The following PTP4A1 variants were observed in gnomAD, a reference collection of about 807,000 sequenced individuals.
The protein encoded by PTP4A1 is protein tyrosine phosphatase 4A1, also known as protein tyrosine phosphatase type IVA 1.
Under a neutral mutation model 20.5 loss-of-function variants are expected in PTP4A1, and 9 were observed. The observed-to-expected ratio is 0.44, with a 90% CI of 0.26 to 0.77. The LOEUF (loss-of-function observed/expected upper bound fraction) is 0.77. PTP4A1 is among the 30% of genes least tolerant of loss of function. PTP4A1 has a pLI of 0.19. For missense variants in PTP4A1, 137 were observed against 218.8 expected, an observed-to-expected ratio of 0.63 and a Z score of 2.36; for synonymous variants, 78 against 67.4, an observed-to-expected ratio of 1.16 and a Z score of -0.77.
At chr6:63,526,095 C>T (rs1203168604) in intron 1 of PTP4A1, among the ~76,000 whole-genome samples, 1 of 151,958 alleles carries the variant, frequency 6.6e-6, no homozygotes, top group East Asian at 1.9e-4. Context: ...GAGGCCAAGG[C>T]GGGCAGATCA....
chr6:63,559,260 A>G (rs186895435), intron 3 of PTP4A1, among the ~76,000 whole-genome samples: 3 of 152,338 alleles, frequency 2.0e-5, no homozygotes, highest in Admixed American at 2.0e-4. Context: ...AATTAAAAGG[A>G]TCATAATATA....
At chr6:63,529,994 T>G in intron 2 of PTP4A1, among the ~76,000 whole-genome samples, 1 of 152,144 alleles carries the variant, frequency 6.6e-6, no homozygotes, top group Non-Finnish European at 1.5e-5. Flanking sequence ...CTTTATAGAG[T>G]TATGAGTAAT....
intron 2 of PTP4A1, among the ~76,000 whole-genome samples, chr6:63,535,753 T>C (rs1030846092): frequency 7.2e-5 from 11 of 152,298 alleles, no homozygotes; most frequent in Admixed American, 7.2e-4. Flanking sequence ...GCTGACAGCC[T>C]TCCGGAAGAT....
upstream of PTP4A1, among the ~76,000 whole-genome samples, chr6:63,518,154 C>CAAA (rs60368385): frequency 5.6e-4 from 35 of 62,098 alleles, no homozygotes; most frequent in African/African-American, 1.6e-3. Flanking sequence ...ACTCCGTCTC[C>CAAA]AAAAAAAAAA....
chr6:63,547,471 T>A (rs1481802470), intron 2 of PTP4A1, among the ~76,000 whole-genome samples: 1 of 150,598 alleles, frequency 6.6e-6, no homozygotes, highest in Admixed American at 6.6e-5. Context: ...ATTACAGGCG[T>A]CTGCCACCTC....
At chr6:63,528,427 CT>C (rs1298558548) in intron 2 of PTP4A1, among the ~76,000 whole-genome samples, 1,858 of 144,246 alleles carry the variant, frequency 0.013, 16 homozygotes, top group African/African-American at 0.027. Flanking sequence ...GAATCTCTGT[CT>C]TTTTTTTTTT....
At chr6:63,580,033 A>ATT (rs56188808) in intron 5 of PTP4A1, 24 bp from the exon 6 acceptor site, 497 of 1,383,500 alleles carry the variant, frequency 3.6e-4, no homozygotes, top group Middle Eastern at 5.8e-4. Flanking sequence ...GCCTTGTTTC[A>ATT]TTTTTTTTTT....
At chr6:63,544,710 TC>T (rs1562118543) in intron 2 of PTP4A1, among the ~76,000 whole-genome samples, 1 of 152,320 alleles carries the variant, frequency 6.6e-6, no homozygotes, top group East Asian at 1.9e-4. Context: ...TTTGGGTTTT[TC>T]TGATGTTTCC....
At chr6:63,540,727 T>C (rs1163742035) in intron 2 of PTP4A1, among the ~76,000 whole-genome samples, 1 of 151,588 alleles carries the variant, frequency 6.6e-6, no homozygotes, top group Non-Finnish European at 1.5e-5. Flanking sequence ...CAAAACAGGA[T>C]GCATATTAAA....
At chr6:63,571,308 C>A (rs1389398339), upstream of PTP4A1, 1 of 152,192 alleles carries the variant, frequency 6.6e-6, no homozygotes, top group African/African-American at 2.4e-5. Flanking sequence ...CTAAAGCCCT[C>A]TCCAATCTCA....
intron 1 of PTP4A1, among the ~76,000 whole-genome samples, chr6:63,575,664 G>A (rs918986337): frequency 1.3e-5 from 2 of 152,080 alleles, no homozygotes; most frequent in African/African-American, 4.8e-5. Flanking sequence ...AAATACAAAA[G>A]AACATTATTA....
In PTP4A1 at chr6:63,581,535, C is replaced by T. The variant is rs1456235788; in HGVS notation, c.*1361C>T. 2 of 152,302 alleles carry T rather than the reference C, an allele frequency of 1.3e-5. No homozygotes were observed. The highest frequency in any genetic ancestry group is 2.4e-5 in the African/African-American group (1 of 41,424). 9.4% of individuals were successfully genotyped at this position (152,302 alleles called of 1,614,324 possible). On this transcript the variant is annotated 3_prime_UTR_variant, in exon 6 of 6. Coordinates refer to ENST00000626021, the MANE Select transcript of PTP4A1 (RefSeq NM_003463.5). ...CACTTCACTTAATGTGTGTCCTCAT[C>T]TTTTTACAAATAAATGAAGGATTAT...
intron 2 of PTP4A1, 121 bp from the exon 3 acceptor site, chr6:63,578,316 T>A: frequency 8.4e-7 from 1 of 1,186,918 alleles, no homozygotes; most frequent in East Asian, 3.2e-5. Context: ...GATTCTAGCA[T>A]TCTTTAAATG....
At chr6:63,555,386 T>C (rs891251419) in intron 3 of PTP4A1, among the ~76,000 whole-genome samples, 1 of 152,212 alleles carries the variant, frequency 6.6e-6, no homozygotes, top group Non-Finnish European at 1.5e-5. Context: ...TCTAGACTAA[T>C]AGGAAGGAAA....
upstream of PTP4A1, among the ~76,000 whole-genome samples, chr6:63,518,986 G>A (rs1203153696): frequency 6.6e-6 from 1 of 152,164 alleles, no homozygotes; most frequent in Non-Finnish European, 1.5e-5. Flanking sequence ...TATCACTGTA[G>A]TAAAGCATGT....
chr6:63,523,788 G>A (rs1405512106), intron 1 of PTP4A1, among the ~76,000 whole-genome samples: 2 of 152,090 alleles, frequency 1.3e-5, no homozygotes, highest in Non-Finnish European at 2.9e-5. Context: ...GTGTGGCCCA[G>A]ACAATTCTTC....
intron 2 of PTP4A1, among the ~76,000 whole-genome samples, chr6:63,546,188 G>A (rs1423223460): frequency 6.6e-6 from 1 of 152,086 alleles, no homozygotes; most frequent in Non-Finnish European, 1.5e-5. Flanking sequence ...TACACACACA[G>A]GAATACAATT....
chr6:63,559,709 C>A (rs985847408), intron 3 of PTP4A1, among the ~76,000 whole-genome samples: 1 of 151,842 alleles, frequency 6.6e-6, no homozygotes, highest in African/African-American at 2.4e-5. Context: ...CGCGCCACTG[C>A]ACTCCAGCCT....
intron 1 of PTP4A1, among the ~76,000 whole-genome samples, chr6:63,575,901 A>G (rs997156664): frequency 6.6e-6 from 1 of 152,080 alleles, no homozygotes; most frequent in Non-Finnish European, 1.5e-5. Flanking sequence ...AAGTTGGAAA[A>G]GAACTTAGAT....
Sources: allele counts gnomAD v4.1 joint callset (sites outside exome capture counted in the v4.1 genomes callset), GRCh38; gene constraint gnomAD v4.1.1; transcripts MANE v1.5; gene names NCBI Gene and HGNC (gene_info 2026-07-23, HGNC 2026-07-21).